SRD5A1: variants seen among roughly 807,000 people sequenced by gnomAD.
SRD5A1 encodes the protein steroid 5 alpha-reductase 1.
SRD5A1 carries 22 observed loss-of-function variants against 28.2 expected under a neutral mutation model. The ratio of observed to expected loss-of-function variants is 0.78; its 90% CI spans 0.56 to 1.12. The LOEUF (loss-of-function observed/expected upper bound fraction) is 1.12. SRD5A1 is among the 50% of genes most tolerant of loss of function. The probability of loss-of-function intolerance (pLI) is 0.00; values close to 1 mark genes in which losing one functional copy is unlikely to be tolerated. For missense variants in SRD5A1, 300 were observed against 346.7 expected (o/e 0.87, Z 1.07); for synonymous variants, 151 against 135.0 (o/e 1.12, Z -0.82).
At chr5:6,661,010 C>T (rs1057383008) in intron 3 of SRD5A1, among the ~76,000 whole-genome samples, 5 of 152,220 alleles carry the variant, frequency 3.3e-5, no homozygotes, top group African/African-American at 9.6e-5. Flanking sequence ...ATCCAGTCAC[C>T]TCCCACTGGG....
At chr5:6,641,279 C>T (rs1264806365) in intron 1 of SRD5A1, among the ~76,000 whole-genome samples, 4 of 152,178 alleles carry the variant, frequency 2.6e-5, no homozygotes, top group East Asian at 3.9e-4. Flanking sequence ...ACCTTCTTCC[C>T]GACCCCACCC....
chr5:6,663,365 A>G (rs974434098), intron 4 of SRD5A1, among the ~76,000 whole-genome samples: 13 of 152,258 alleles, frequency 8.5e-5, no homozygotes, highest in Non-Finnish European at 1.9e-4. Flanking sequence ...CTCAGAGCCC[A>G]GCGACACTGG....
chr5:6,646,266 C>A (rs1056863307), intron 1 of SRD5A1, among the ~76,000 whole-genome samples: 3 of 152,098 alleles, frequency 2.0e-5, no homozygotes, highest in Non-Finnish European at 4.4e-5. Flanking sequence ...TGTGTTGGTT[C>A]CAAGGCTTTG....
rs1356210563 is a variant in SRD5A1, at chr5:6,653,951, T to G, written c.460+1943T>G. Among the ~76,000 whole-genome samples, 9 of 152,294 alleles carry G rather than the reference T, an allele frequency of 5.9e-5. No homozygotes were observed. In the South Asian group the frequency reaches 1.7e-3, roughly 28 times the overall value. On this transcript the variant is annotated intron_variant, in intron 2 of 4. Transcript: ENST00000274192. ...CTAGGTTACCTTTTGTGTGTTATAT[T>G]TATTGCCTAGAGTTTATTGTTTTTG...
rs1185733748 is a variant in SRD5A1 at position 6,672,982 on chromosome 5, T to A, written c.*4714T>A. 6.6e-6 allele frequency: 1 copy of A among 152,188 alleles called. No homozygotes were observed. Among genetic ancestry groups the A allele is most frequent in the Non-Finnish European group, 1.5e-5 (1 of 68,036 alleles). The allele number at this position is 152,188 out of a possible 1,614,324, so 9.4% of individuals were successfully genotyped here. On this transcript the variant is annotated 3_prime_UTR_variant, in exon 5 of 5. Transcript: ENST00000274192. ...TTTGTAAGGTAATTGACAGTCTGAGTTAGTTGCTTCCCCCACTGCAAAGCA... is the reference window on the plus strand; with the variant it reads ...TTTGTAAGGTAATTGACAGTCTGAGATAGTTGCTTCCCCCACTGCAAAGCA...
chr5:6,649,019 C>T (rs1738587711), intron 1 of SRD5A1, among the ~76,000 whole-genome samples: 1 of 152,148 alleles, frequency 6.6e-6, no homozygotes, highest in Non-Finnish European at 1.5e-5. Flanking sequence ...GAGGTCCGCT[C>T]CAGACCCTGT....
chr5:6,667,215 G>A (rs1038626102), intron 4 of SRD5A1, among the ~76,000 whole-genome samples: 6 of 152,234 alleles, frequency 3.9e-5, no homozygotes, highest in East Asian at 1.9e-4. Context: ...CTGCAGTCTC[G>A]AGGCCTCATG....
intron 4 of SRD5A1, among the ~76,000 whole-genome samples, chr5:6,667,173 T>TG (rs1227812942): frequency 1.3e-5 from 2 of 152,218 alleles, no homozygotes; most frequent in Admixed American, 1.3e-4. Flanking sequence ...CGTGGGTCCA[T>TG]GCGCCACCAC....
chr5:6,652,221 G>A (rs913980059), intron 2 of SRD5A1, among the ~76,000 whole-genome samples: 33 of 152,210 alleles, frequency 2.2e-4, no homozygotes, highest in Non-Finnish European at 3.5e-4. Context: ...TCCCCCGCAC[G>A]GGCAGGCACT....
chr5:6,638,880 C>G (rs146835214), intron 1 of SRD5A1, among the ~76,000 whole-genome samples: 2 of 152,312 alleles, frequency 1.3e-5, no homozygotes, highest in East Asian at 3.9e-4. Context: ...TTTCAATGGT[C>G]TCACGTTGTT....
At chr5:6,645,639 C>CAAAAA (rs35510604) in intron 1 of SRD5A1, among the ~76,000 whole-genome samples, 1 of 121,596 alleles carries the variant, frequency 8.2e-6, no homozygotes, top group Non-Finnish European at 1.8e-5. Flanking sequence ...AACTCCATCT[C>CAAAAA]AAAAAAAAAA....
chr5:6,637,208 C>A (rs1359155522), intron 1 of SRD5A1, among the ~76,000 whole-genome samples: 2 of 152,064 alleles, frequency 1.3e-5, no homozygotes, highest in African/African-American at 4.8e-5. Context: ...CCTGGCAGGC[C>A]TCCCTAGGGC....
At chr5:6,635,234 G>C (rs1738145520) in intron 1 of SRD5A1, among the ~76,000 whole-genome samples, 1 of 152,134 alleles carries the variant, frequency 6.6e-6, no homozygotes, top group Non-Finnish European at 1.5e-5. Flanking sequence ...TTGATGACTT[G>C]CACTTTAAAC....
At chr5:6,658,683 T>C (rs1738904098) in intron 3 of SRD5A1, among the ~76,000 whole-genome samples, 1 of 151,912 alleles carries the variant, frequency 6.6e-6, no homozygotes, top group Non-Finnish European at 1.5e-5. Context: ...TAATTTCTCC[T>C]CTCCAAGTAC....
chr5:6,673,679 C>G lies in SRD5A1; in HGVS notation c.*5411C>G, dbSNP rs930898114. The G allele has an allele frequency of 3.9e-5, 6 of 152,180 alleles. No individual in the cohort carries two copies. Among genetic ancestry groups the G allele is most frequent in the African/African-American group, 1.4e-4 (6 of 41,446 alleles). 9.4% of individuals were successfully genotyped at this position (152,180 alleles called of 1,614,324 possible). On this transcript the variant is annotated 3_prime_UTR_variant, in exon 5 of 5. Transcript: ENST00000274192. ...AAAATTGCCAAAAATTGGAAGCAAC[C>G]AAGATGTCCTTCAATAGGTGGGCGG...
At chr5:6,656,332 ATT>A (rs1738836384) in intron 3 of SRD5A1, among the ~76,000 whole-genome samples, 153 bp downstream of exon 3, 5 of 152,190 alleles carry the variant, frequency 3.3e-5, no homozygotes, top group Admixed American at 6.5e-5. Flanking sequence ...TGCTATTGTT[ATT>A]GTCTTATTAG....
At chr5:6,661,299 G>T (rs1486035785) in intron 3 of SRD5A1, among the ~76,000 whole-genome samples, 7 of 151,674 alleles carry the variant, frequency 4.6e-5, no homozygotes, top group Non-Finnish European at 1.0e-4. Flanking sequence ...CCAGCACTTT[G>T]GGAGGCCAAG....
At chr5:6,635,708 T>G (rs1474765323) in intron 1 of SRD5A1, among the ~76,000 whole-genome samples, 1 of 152,252 alleles carries the variant, frequency 6.6e-6, no homozygotes, top group African/African-American at 2.4e-5. Flanking sequence ...GTCATTCATG[T>G]GCACTGCTGC....
Position 6,633,672 on chromosome 5 carries a change from T to G in SRD5A1, c.96T>G (p.Arg32=). The change falls in exon 1 of 5, where the codon CGT becomes CGG. Residue 32 remains arginine (R), a synonymous_variant. Transcript: ENST00000274192. The stretch of plus-strand genomic sequence containing the variant: ...GCTGCGCGGTCTTCGCGCGCAATCG[T>G]CAGACGAACTCAGTGTACGGCCGCC... ...AVGCAVFARN[R]QTNSVYGRHA... 1 of 1,584,178 alleles carries G rather than the reference T, an allele frequency of 6.3e-7. No individual in the cohort carries two copies. The highest frequency in any genetic ancestry group is 8.5e-7 in the Non-Finnish European group (1 of 1,172,910).
Sources: gnomAD v4.1 joint callset for allele counts (sites outside exome capture counted in the v4.1 genomes callset) on GRCh38, gnomAD v4.1.1 for gene constraint, MANE v1.5 for transcripts, NCBI Gene and HGNC (gene_info 2026-07-23, HGNC 2026-07-21) for gene names.